MAP6: variants seen among roughly 807,000 people sequenced by gnomAD.
MAP6 encodes microtubule-associated protein 6.
Under a neutral mutation model 42.4 loss-of-function variants are expected in MAP6, and 26 were observed. The ratio of observed to expected loss-of-function variants is 0.61; its 90% CI spans 0.45 to 0.85. The LOEUF (loss-of-function observed/expected upper bound fraction) is 0.85. Ranked by LOEUF, MAP6 falls within the 40% of genes least tolerant of loss-of-function variation. MAP6 has a pLI of 0.00. For missense variants in MAP6, 966 were observed against 1,099.0 expected (o/e 0.88, Z 1.71); for synonymous variants, 418 against 443.8 (o/e 0.94, Z 0.73).
chr11:75,667,746 G>C lies in MAP6; in HGVS notation c.624C>G (p.Ala208=). 7.7e-7 allele frequency: 1 copy of C among 1,305,596 alleles called. No individual in the cohort carries two copies. Among genetic ancestry groups the C allele is most frequent in the Non-Finnish European group, 9.7e-7 (1 of 1,028,880 alleles). The allele number at this position is 1,305,596 out of a possible 1,614,324, so 80.9% of individuals were successfully genotyped here. ...CCTCCTGCTCCCGGGCCTCAGCGGCGGCCTGCACTGGCCAGCGCTCCTGGC... is the reference window on the plus strand; with the variant it reads ...CCTCCTGCTCCCGGGCCTCAGCGGCCGCCTGCACTGGCCAGCGCTCCTGGC... The part of the protein sequence containing the change: ...PQSQERWPVQ[A]AAEAREQEAA... Residue 208 remains alanine, a synonymous_variant, in exon 1 of 4, where the codon GCC becomes GCG. Transcript: ENST00000304771. This position sits in a 1 kb window ranked among gnomAD's most constrained non-coding sequence, Gnocchi z 5.6.
intron 3 of MAP6, among the ~76,000 whole-genome samples, chr11:75,596,915 G>C (rs1232156773): frequency 6.6e-6 from 1 of 152,216 alleles, no homozygotes; most frequent in Non-Finnish European, 1.5e-5. Flanking sequence ...TGCTGTTTCA[G>C]GCGATGCACA....
rs750087400 is a variant in MAP6 at position 75,668,222 on chromosome 11, G to A, written c.148C>T (p.Gln50Ter). ...PGAPPQPPPP[Q>*]QQAQPALAPP... Reference sequence around the variant, plus strand: ...GCGAGCGCCGGCTGCGCCTGCTGCTGCGGCGGCGGTGGCTGCGGCGGGGCG... The same window carrying A: ...GCGAGCGCCGGCTGCGCCTGCTGCTACGGCGGCGGTGGCTGCGGCGGGGCG... The change falls in exon 1 of 4, where the codon CAG becomes TAG. Residue 50 changes from glutamine (Q) to a stop codon, truncating the protein, a stop_gained. Transcript: ENST00000304771. LOFTEE classifies it high-confidence loss of function. 1.5e-6 allele frequency: 2 copies of A among 1,376,842 alleles called. No homozygotes were observed. Among genetic ancestry groups the A allele is most frequent in the Admixed American group, 5.7e-5 (2 of 35,224 alleles). The allele number at this position is 1,376,842 out of a possible 1,614,324, so 85.3% of individuals were successfully genotyped here.
In MAP6 at chr11:75,667,436, C is replaced by G. The variant is rs1017930546; in HGVS notation, c.905+29G>C. 1.2e-5 allele frequency: 18 copies of G among 1,445,082 alleles called. No homozygotes were observed. Among genetic ancestry groups the G allele is most frequent in the Admixed American group, 5.2e-5 (2 of 38,672 alleles). The allele number at this position is 1,445,082 out of a possible 1,614,324, so 89.5% of individuals were successfully genotyped here. On this transcript the variant is annotated intron_variant, in intron 1 of 3. Transcript: ENST00000304771. The surrounding 1 kb of genome is among the most constrained non-coding windows in gnomAD (Gnocchi z 5.6). ...CGCGGGGAGGGTCTGCGTGGTGACT[C>G]CCCCGCGCTAGCAGCGGCCGCGTCT...
chr11:75,587,132 G>A lies in MAP6; in HGVS notation c.2369C>T (p.Pro790Leu). 6.2e-7 allele frequency: 1 copy of A among 1,613,766 alleles called. No homozygotes were observed. Among genetic ancestry groups the A allele is most frequent in the South Asian group, 1.1e-5 (1 of 91,066 alleles). The change falls in exon 4 of 4, where the codon CCT becomes CTT. Residue 790 changes from proline to leucine, a missense_variant. Around this residue, in one of 2 missense-constraint regions of MAP6, gnomAD observed 943 missense variants for 1,049.9 expected, o/e 0.90. Coordinates refer to ENST00000304771, the MANE Select transcript of MAP6 (RefSeq NM_033063.2). ...GACTCGGGGTAGAGGTGAGACAGTA[G>A]GTAGCTGAGGGTCCCTGGGACCTTG... ...KTQGPRDPQL[P>L]TVSPLPRVMI...
At chr11:75,617,514 CAAAA>C (rs61477947) in intron 1 of MAP6, among the ~76,000 whole-genome samples, 25 of 28,160 alleles carry the variant, frequency 8.9e-4, no homozygotes, top group East Asian at 2.9e-3. Context: ...AGACTGTCTC[CAAAA>C]AAAAAAAAAA....
At chr11:75,662,962 C>G (rs1397236299) in intron 1 of MAP6, among the ~76,000 whole-genome samples, 1 of 133,146 alleles carries the variant, frequency 7.5e-6, no homozygotes, top group African/African-American at 2.9e-5. Flanking sequence ...AGGATTTGTA[C>G]TTTTTTTTTT....
intron 1 of MAP6, among the ~76,000 whole-genome samples, chr11:75,633,298 A>T (rs1245344511): frequency 6.6e-6 from 1 of 152,204 alleles, no homozygotes; most frequent in Non-Finnish European, 1.5e-5. Context: ...GCTAATCCTC[A>T]TATAACTTGA....
intron 1 of MAP6, among the ~76,000 whole-genome samples, chr11:75,645,734 T>G (rs1372333184): frequency 6.6e-6 from 1 of 152,040 alleles, no homozygotes; most frequent in Non-Finnish European, 1.5e-5. Context: ...ATACACATAT[T>G]TGAAAAATCA....
intron 3 of MAP6, chr11:75,604,264 G>T (rs1942718188): frequency 1.2e-5 from 12 of 985,734 alleles, no homozygotes; most frequent in African/African-American, 1.7e-5. Context: ...CAGCCCCAAG[G>T]TGACAACCAA....
chr11:75,665,575 T>C (rs960931715), intron 1 of MAP6, among the ~76,000 whole-genome samples: 5 of 152,196 alleles, frequency 3.3e-5, no homozygotes, highest in Non-Finnish European at 7.3e-5. Context: ...ATCTATGATG[T>C]TGGGCCAGAC....
At chr11:75,615,219 T>A (rs1042288281) in intron 1 of MAP6, among the ~76,000 whole-genome samples, 1 of 152,206 alleles carries the variant, frequency 6.6e-6, no homozygotes, top group Non-Finnish European at 1.5e-5. Context: ...TGGAGTGAGA[T>A]ACATCCATCC....
intron 3 of MAP6, among the ~76,000 whole-genome samples, chr11:75,590,162 C>T (rs184289299): frequency 3.9e-5 from 6 of 152,284 alleles, no homozygotes. Context: ...ATTAAAATAC[C>T]TCCAGTCACT....
intron 1 of MAP6, among the ~76,000 whole-genome samples, chr11:75,656,592 C>A (rs1238392122): frequency 6.6e-6 from 1 of 152,070 alleles, no homozygotes; most frequent in Non-Finnish European, 1.5e-5. Flanking sequence ...CTGACTCCTC[C>A]CTCACATACC....
At chr11:75,650,626 T>G (rs1943631481) in intron 1 of MAP6, among the ~76,000 whole-genome samples, 1 of 152,188 alleles carries the variant, frequency 6.6e-6, no homozygotes, top group Non-Finnish European at 1.5e-5. Context: ...TATTAATATT[T>G]AGGAATTATA....
At chr11:75,658,054 T>C (rs1486603159) in intron 1 of MAP6, among the ~76,000 whole-genome samples, 1 of 152,236 alleles carries the variant, frequency 6.6e-6, no homozygotes, top group African/African-American at 2.4e-5. Context: ...TGTATGAATA[T>C]ACCACAATTT....
At chr11:75,634,063 T>C (rs766535592) in intron 1 of MAP6, among the ~76,000 whole-genome samples, 2 of 152,090 alleles carry the variant, frequency 1.3e-5, no homozygotes, top group Admixed American at 1.3e-4. Context: ...AGATAAAAGA[T>C]TATGACGGGG....
intron 1 of MAP6, among the ~76,000 whole-genome samples, chr11:75,634,025 A>C (rs1356528431): frequency 6.6e-6 from 1 of 152,154 alleles, no homozygotes; most frequent in Non-Finnish European, 1.5e-5. Context: ...AAGCAGAGAG[A>C]CCTGTTAGGA....
In MAP6 at chr11:75,587,829, A is replaced by T. The variant is rs530454056; in HGVS notation, c.1672T>A (p.Ser558Thr). 19 of 1,613,676 alleles carry T rather than the reference A, an allele frequency of 1.2e-5. No homozygotes were observed. In the East Asian group the frequency reaches 4.2e-4, roughly 36 times the overall value. ...VKDQGSVVPESLKDQGPRIPE... is the reference protein window; with the variant it reads ...VKDQGSVVPETLKDQGPRIPE... ...ATCCTAGGACCTTGATCCTTTAGAG[A>T]CTCTGGTACCACAGAGCCTTGATCC... Residue 558 changes from serine to threonine, a missense_variant, in exon 4 of 4, where the codon TCT (serine) becomes ACT (threonine). Coordinates refer to ENST00000304771, the MANE Select transcript of MAP6 (RefSeq NM_033063.2).
intron 2 of MAP6, chr11:75,607,778 T>A: frequency 1.8e-6 from 1 of 570,310 alleles, no homozygotes. Flanking sequence ...CAAGCACATC[T>A]ATTTTAAGAC....
Sources: allele counts gnomAD v4.1 joint callset (sites outside exome capture counted in the v4.1 genomes callset), GRCh38; gene constraint gnomAD v4.1.1; regional missense constraint gnomAD v4.1.1; non-coding constraint Gnocchi (gnomAD v3.1); transcripts MANE v1.5; gene names NCBI Gene and HGNC (gene_info 2026-07-23, HGNC 2026-07-21).